The following ITGA2B variants were observed in gnomAD, a reference collection of about 807,000 sequenced individuals.
The protein encoded by ITGA2B is integrin alpha-IIb.
ITGA2B carries 91 observed loss-of-function variants against 142.0 expected under a neutral mutation model. That is an observed-to-expected ratio of 0.64 (90% CI 0.54 to 0.76). The LOEUF (loss-of-function observed/expected upper bound fraction) is 0.76, where lower values mean the gene tolerates loss of function less well. Among genes scored for constraint, ITGA2B ranks in the 30% least tolerant of loss-of-function variants. The pLI, the probability that ITGA2B is intolerant of heterozygous loss-of-function variation, is 0.00. For synonymous variants in ITGA2B, 536 were observed against 567.2 expected (o/e 0.94, Z 0.78); for missense variants, 1,231 against 1,350.8 (o/e 0.91, Z 1.39).
intron 29 of ITGA2B, among the ~76,000 whole-genome samples, chr17:44,373,224 A>G (rs2048511802): frequency 6.6e-6 from 1 of 150,502 alleles, no homozygotes. Context: ...TGCAACCTTC[A>G]CCTCCCGGGT....
chr17:44,375,203 G>T, intron 26 of ITGA2B, 92 bp from the exon 27 acceptor site: 2 of 1,087,604 alleles, frequency 1.8e-6, no homozygotes, highest in Non-Finnish European at 1.4e-6. Context: ...CGCAGAAGGG[G>T]CCGGGGGTTC....
In ITGA2B at chr17:44,376,126, T is replaced by C; in HGVS notation, c.2407A>G (p.Ser803Gly). ...AAEEGEREQN[S>G]LDSWGPKVEH... ...ACTTTGGGTCCCCAGCTGTCCAAGC[T>C]GTTCTGCTCCCTCTCACCTTCTTCT... The change falls in exon 24 of 30, where the codon AGC (serine) becomes GGC (glycine). Residue 803 changes from serine (S) to glycine (G), a missense_variant. This residue lies in a region of ITGA2B where 908 missense variants were observed against 1,021.1 expected (regional missense o/e 0.89). Coordinates refer to ENST00000262407, the MANE Select transcript of ITGA2B (RefSeq NM_000419.5). The C allele has an allele frequency of 6.2e-7, 1 of 1,614,200 alleles. No individual in the cohort carries two copies. Among genetic ancestry groups the C allele is most frequent in the East Asian group, 2.2e-5 (1 of 44,874 alleles).
In ITGA2B at chr17:44,372,317, C is replaced by T. The variant is rs371536586; in HGVS notation, c.*47G>A. 257 of 1,582,852 alleles carry T rather than the reference C, an allele frequency of 1.6e-4. No homozygotes were observed. Among genetic ancestry groups the T allele is most frequent in the Non-Finnish European group, 2.1e-4 (244 of 1,151,716 alleles). On this transcript the variant is annotated 3_prime_UTR_variant, in exon 30 of 30. Coordinates refer to ENST00000262407, the MANE Select transcript of ITGA2B (RefSeq NM_000419.5). ...GCAACTTGTTGGAGAAGGGGCGGTG[C>T]AGGTAGCACGCCCAACCCTCCTGCT...
At chr17:44,377,386 G>A (rs1428183863) in intron 21 of ITGA2B, among the ~76,000 whole-genome samples, 2 of 152,002 alleles carry the variant, frequency 1.3e-5, no homozygotes, top group Non-Finnish European at 2.9e-5. Flanking sequence ...AGTAGAGACG[G>A]GGTTTTGCTA....
chr17:44,372,431 T>G lies in ITGA2B; in HGVS notation c.3061-8A>C. The G allele has an allele frequency of 6.2e-7, 1 of 1,613,710 alleles. No individual in the cohort carries two copies. Among genetic ancestry groups the G allele is most frequent in the South Asian group, 1.1e-5 (1 of 91,054 alleles). On this transcript the variant is annotated splice_polypyrimidine_tract_variant and splice_region_variant and intron_variant, in intron 29 of 29. Transcript: ENST00000262407. ...CCGCTTGAAGAAGCCGACCTGGGGG[T>G]ACACGGGGGCCAAGGTCAGGGTATA...
chr17:44,388,622 G>T (rs1302454490), intron 1 of ITGA2B, among the ~76,000 whole-genome samples: 1 of 151,776 alleles, frequency 6.6e-6, no homozygotes, highest in African/African-American at 2.4e-5. Flanking sequence ...GGGTTCAAGT[G>T]ATTCTCCTAC....
At chr17:44,385,369 G>A in intron 4 of ITGA2B, 34 bp from the exon 5 acceptor site, 2 of 1,598,662 alleles carry the variant, frequency 1.3e-6, no homozygotes, top group Non-Finnish European at 8.5e-7. Context: ...TCAGCGCAGG[G>A]GTGAAGGGAG....
At position 44,384,146 on chromosome 17, in the gene ITGA2B, G is replaced by A. The variant is rs1255346842; in HGVS notation, c.892-8C>T. On this transcript the variant is annotated splice_region_variant and splice_polypyrimidine_tract_variant and intron_variant, in intron 9 of 29. Coordinates refer to ENST00000262407, the MANE Select transcript of ITGA2B (RefSeq NM_000419.5). ...GGAATCCAAAATTTCCACCTGCACG[G>A]ACAGCGCAGGCGAGAGCATCATTCT... The A allele has an allele frequency of 6.2e-7, 1 of 1,613,030 alleles. No homozygotes were observed. The highest frequency in any genetic ancestry group is 8.5e-7 in the Non-Finnish European group (1 of 1,179,676).
At position 44,380,483 on chromosome 17, in the gene ITGA2B, G is replaced by A. The variant is rs970966749; in HGVS notation, c.1447C>T (p.Pro483Ser). Residue 483 changes from proline (P) to serine (S), a missense_variant, in exon 15 of 30, where the codon CCA becomes TCA. Physicochemically the swap from Pro to Ser is moderately conservative, Grantham distance 74. This residue lies in a region of ITGA2B where 908 missense variants were observed against 1,021.1 expected (regional missense o/e 0.89). Coordinates refer to ENST00000262407, the MANE Select transcript of ITGA2B (RefSeq NM_000419.5). ...ANQVAVYRAQ[P>S]VVKASVQLLV... ...AGCTGGACAGAGGCCTTCACCACTG[G>A]CTGAGCTCTGATGGGATAGGGTGAT... is the stretch of plus-strand genomic sequence containing the variant. The A allele has an allele frequency of 2.5e-6, 4 of 1,613,996 alleles. No individual in the cohort carries two copies. The Admixed American group carries it at 6.7e-5, about 27-fold the overall frequency.
Position 44,380,943 on chromosome 17 carries a change from G to A in ITGA2B, c.1329C>T (p.Pro443=). 1 of 1,614,248 alleles carries A rather than the reference G, an allele frequency of 6.2e-7. No individual in the cohort carries two copies. The highest frequency in any genetic ancestry group is 8.5e-7 in the Non-Finnish European group (1 of 1,180,030). The change falls in exon 13 of 30, where the codon CCC becomes CCT. Residue 443 remains proline, a synonymous_variant. Transcript: ENST00000262407. ...GGGAGAAGCCAAAGGCAGAGCCTGT[G>A]GGGAAGGGGCTGTCCAGGACCTGGG... ...RPSQVLDSPF[P]TGSAFGFSLR...
In ITGA2B at chr17:44,380,135, T is replaced by G; in HGVS notation, c.1619A>C (p.Gln540Pro). ...CTGGCGGGGCTTCTGCCGGTCCAGC[T>G]GCAGCTCGGCATTTAGGGCTGGCAG... is the stretch of plus-strand genomic sequence containing the variant. ...PQKLSLNAELQLDRQKPRQGR... is the reference protein window; with the variant it reads ...PQKLSLNAELPLDRQKPRQGR... The change falls in exon 17 of 30, where the codon CAG becomes CCG. Residue 540 changes from glutamine (Q) to proline (P), a missense_variant. Around this residue, in one of 3 missense-constraint regions of ITGA2B, gnomAD observed 908 missense variants for 1,021.1 expected, o/e 0.89. Coordinates refer to ENST00000262407, the MANE Select transcript of ITGA2B (RefSeq NM_000419.5). The G allele has an allele frequency of 6.2e-7, 1 of 1,613,822 alleles. No individual in the cohort carries two copies.
At position 44,375,609 on chromosome 17, in the gene ITGA2B, A is replaced by C; in HGVS notation, c.2709T>G (p.Leu903=). The part of the protein sequence containing the change: ...FLPEPEQPSR[L]QDPVLVSCDS... ...TGCTCACTACGAGAACTGGATCCTG[A>C]AGCCTCGAGGGCTGCTCGGGCTCTG... Residue 903 remains leucine (L), a synonymous_variant, in exon 26 of 30, where the codon CTT becomes CTG. Coordinates refer to ENST00000262407, the MANE Select transcript of ITGA2B (RefSeq NM_000419.5). 1 of 1,614,038 alleles carries C rather than the reference A, an allele frequency of 6.2e-7. No homozygotes were observed. The highest frequency in any genetic ancestry group is 8.5e-7 in the Non-Finnish European group (1 of 1,179,978).
chr17:44,389,195 C>G, intron 1 of ITGA2B, 91 bp downstream of exon 1: 5 of 1,401,296 alleles, frequency 3.6e-6, no homozygotes, highest in Non-Finnish European at 5.0e-6. Context: ...TGCTCAACTG[C>G]TATCGCAAAT....
rs1402391613 is a variant in ITGA2B at position 44,375,886 on chromosome 17, G to A, written c.2548C>T (p.Gln850Ter). Residue 850 changes from glutamine to a stop codon, truncating the protein, a stop_gained, in exon 25 of 30, where the codon CAG becomes TAG. Coordinates refer to ENST00000262407, the MANE Select transcript of ITGA2B (RefSeq NM_000419.5). LOFTEE classifies it high-confidence loss of function. ...PSDLLYILDIQPQGGLQCFPQ... is the reference protein window; with the variant it reads ...PSDLLYILDI ...AAGCACTGAAGGCCCCCCTGGGGCT[G>A]TATATCCAGGATGTAGAGCAGGTCG... is the stretch of plus-strand genomic sequence containing the variant. The A allele has an allele frequency of 1.2e-6, 2 of 1,608,482 alleles. No homozygotes were observed. Among genetic ancestry groups the A allele is most frequent in the Non-Finnish European group, 1.7e-6 (2 of 1,177,776 alleles).
chr17:44,374,889 A>G (rs1598375924), intron 27 of ITGA2B, 109 bp downstream of exon 27: 1 of 1,267,406 alleles, frequency 7.9e-7, no homozygotes, highest in Admixed American at 2.0e-5. Context: ...CCCAAAGTAA[A>G]CCTTGCCTTC....
chr17:44,383,476 CTCCTCTCTT>C lies in ITGA2B; in HGVS notation c.1210+8_1210+16del, dbSNP rs2048613463. 6.3e-7 allele frequency: 1 copy of C among 1,595,504 alleles called. No homozygotes were observed. The highest frequency in any genetic ancestry group is 1.3e-5 in the African/African-American group (1 of 74,794). On this transcript the variant is annotated splice_region_variant and intron_variant, in intron 12 of 29. Coordinates refer to ENST00000262407, the MANE Select transcript of ITGA2B (RefSeq NM_000419.5). ...GTTAACCCCTCTGCAGCAAGTAGGG[CTCCTCTCTT>C]CCCTCACCATTGTAGCCATCCCGGT...
At chr17:44,374,555 C>T in intron 28 of ITGA2B, 85 bp from the exon 29 acceptor site, 1 of 1,521,740 alleles carries the variant, frequency 6.6e-7, no homozygotes, top group South Asian at 1.1e-5. Context: ...GACCTCCAGC[C>T]ATGCCACCCA....
chr17:44,381,640 A>T (rs567336936), intron 12 of ITGA2B, among the ~76,000 whole-genome samples: 5 of 134,650 alleles, frequency 3.7e-5, no homozygotes, highest in East Asian at 4.6e-4. Flanking sequence ...CCCTTTTAAA[A>T]TTTTTTTATT....
rs201370088 is a variant in ITGA2B at position 44,389,268 on chromosome 17, A to G, written c.188+18T>C. ...GGTCCTGCTCTCTCCCAATACCCCA[A>G]CTTCCCTTACGGCTCACCTCCCATG... On this transcript the variant is annotated intron_variant, in intron 1 of 29. Coordinates refer to ENST00000262407, the MANE Select transcript of ITGA2B (RefSeq NM_000419.5). The G allele has an allele frequency of 5.0e-6, 8 of 1,613,736 alleles. No individual in the cohort carries two copies. Among genetic ancestry groups the G allele is most frequent in the Admixed American group, 3.3e-5 (2 of 59,998 alleles).
Sources: gnomAD v4.1 joint callset for allele counts (sites outside exome capture counted in the v4.1 genomes callset) on GRCh38, gnomAD v4.1.1 for gene constraint, gnomAD v4.1.1 regional missense constraint, MANE v1.5 for transcripts, NCBI Gene and HGNC (gene_info 2026-07-23, HGNC 2026-07-21) for gene names.